GRM7: variants seen among roughly 807,000 people sequenced by gnomAD.
GRM7 encodes glutamate metabotropic receptor 7.
In GRM7, 35 loss-of-function variants were observed where a neutral mutation model predicts 84.5. The ratio of observed to expected loss-of-function variants is 0.41; its 90% CI spans 0.32 to 0.55. The LOEUF (loss-of-function observed/expected upper bound fraction) is 0.55, where lower values mean the gene tolerates loss of function less well. Ranked by LOEUF, GRM7 falls within the 20% of genes least tolerant of loss-of-function variation. The pLI is 0.19. For synonymous variants in GRM7, 487 were observed against 455.1 expected, an observed-to-expected ratio of 1.07 and a Z score of -0.89; for missense variants, 1,003 against 1,194.6, an observed-to-expected ratio of 0.84 and a Z score of 2.36.
chr3:7,186,873 G>T (rs138679588), intron 2 of GRM7, among the ~76,000 whole-genome samples: 2 of 151,968 alleles, frequency 1.3e-5, no homozygotes, highest in African/African-American at 4.8e-5. Context: ...TTTTATTTTT[G>T]TCTATTAACT....
chr3:6,880,964 C>A (rs867900747), intron 1 of GRM7, among the ~76,000 whole-genome samples: 2 of 152,100 alleles, frequency 1.3e-5, no homozygotes, highest in Non-Finnish European at 2.9e-5. Context: ...CTCAGTTACT[C>A]TGTAGTTCAG....
intron 2 of GRM7, among the ~76,000 whole-genome samples, chr3:7,197,940 A>T (rs966839782): frequency 7.9e-5 from 12 of 152,132 alleles, no homozygotes; most frequent in African/African-American, 2.9e-4. Flanking sequence ...GAAGTTAAAG[A>T]TTAAGTGGGA....
chr3:7,683,975 T>C (rs1242135134), intron 9 of GRM7, among the ~76,000 whole-genome samples: 1 of 151,926 alleles, frequency 6.6e-6, no homozygotes, highest in Admixed American at 6.6e-5. Context: ...GAGACAAACA[T>C]ACAAATAGTC....
chr3:7,719,000 G>C (rs554134790), intron 9 of GRM7, among the ~76,000 whole-genome samples: 7 of 152,288 alleles, frequency 4.6e-5, no homozygotes, highest in African/African-American at 1.7e-4. Flanking sequence ...TGGAGATTTG[G>C]TAAATATTTA....
Position 7,113,380 on chromosome 3 carries a change from T to C in GRM7, c.520-33072T>C, listed in dbSNP as rs190132551. ...TCAACAAATACACAGCCTCGTTCCT[T>C]ATCTACATCCTGCACCTCAGTGGTA... On this transcript the variant is annotated intron_variant, in intron 1 of 9. Coordinates refer to ENST00000357716, the MANE Select transcript of GRM7 (RefSeq NM_000844.4). 2.6e-3 allele frequency among the ~76,000 whole-genome samples: 398 copies of C among 152,316 alleles called. 2 individuals carry two copies. The highest frequency in any genetic ancestry group is 9.4e-3 in the African/African-American group (389 of 41,578).
intron 1 of GRM7, among the ~76,000 whole-genome samples, chr3:7,112,087 T>C (rs1015795795): frequency 1.1e-4 from 17 of 152,286 alleles, no homozygotes; most frequent in African/African-American, 4.1e-4. Context: ...ACACTGCATG[T>C]GGCAAAGATC....
intron 9 of GRM7, among the ~76,000 whole-genome samples, chr3:7,683,113 C>A (rs1456749954): frequency 1.3e-5 from 2 of 152,046 alleles, no homozygotes; most frequent in African/African-American, 4.8e-5. Context: ...TTTTGGTTTC[C>A]TTATTTGGTA....
chr3:6,964,944 T>C (rs947904998), intron 1 of GRM7, among the ~76,000 whole-genome samples: 3 of 152,198 alleles, frequency 2.0e-5, no homozygotes, highest in Admixed American at 6.5e-5. Context: ...ACTGGGTGCT[T>C]TCTTCCAAAT....
At chr3:7,289,014 A>G (rs1428941261) in intron 2 of GRM7, among the ~76,000 whole-genome samples, 1 of 152,202 alleles carries the variant, frequency 6.6e-6, no homozygotes, top group Non-Finnish European at 1.5e-5. Context: ...TGCAGGTAAG[A>G]CTGAAGAAAT....
At chr3:7,344,800 G>C (rs11131069) in intron 4 of GRM7, among the ~76,000 whole-genome samples, 40,745 of 151,986 alleles carry the variant, frequency 0.27, 6,582 homozygotes, top group African/African-American at 0.45. Context: ...GGAAGAGGTT[G>C]GTTAATGGAA....
intron 2 of GRM7, among the ~76,000 whole-genome samples, chr3:7,260,673 T>TTTTG (rs1553638949): frequency 6.9e-6 from 1 of 144,428 alleles, no homozygotes. Flanking sequence ...TTCTTTTGAA[T>TTTTG]TGTGTGTGTG....
At chr3:7,220,577 T>G (rs1014377058) in intron 2 of GRM7, among the ~76,000 whole-genome samples, 1 of 152,090 alleles carries the variant, frequency 6.6e-6, no homozygotes, top group Non-Finnish European at 1.5e-5. Flanking sequence ...TTCACCTGGA[T>G]GGAAATTGGA....
chr3:7,008,750 A>G (rs34001905), intron 1 of GRM7, among the ~76,000 whole-genome samples: 72,669 of 151,986 alleles, frequency 0.48, 17,592 homozygotes, highest in South Asian at 0.57. Context: ...AGACTCACAC[A>G]ATAATCTCCT....
intron 2 of GRM7, among the ~76,000 whole-genome samples, chr3:7,235,254 C>A (rs867571149): frequency 6.6e-6 from 1 of 152,162 alleles, no homozygotes; most frequent in Non-Finnish European, 1.5e-5. Flanking sequence ...GCCTTTCATG[C>A]ATTGTGCCTC....
intron 2 of GRM7, among the ~76,000 whole-genome samples, chr3:7,274,891 T>G (rs1698995962): frequency 6.6e-6 from 1 of 152,044 alleles, no homozygotes; most frequent in Non-Finnish European, 1.5e-5. Context: ...GTGTTCCTGT[T>G]TCTCTTTCTT....
At chr3:7,226,807 T>C (rs572965106) in intron 2 of GRM7, among the ~76,000 whole-genome samples, 1 of 152,332 alleles carries the variant, frequency 6.6e-6, no homozygotes, top group South Asian at 2.1e-4. Context: ...TTACACTCCA[T>C]AGTCGGCTCC....
At chr3:7,137,471 A>T (rs1693807946) in intron 1 of GRM7, among the ~76,000 whole-genome samples, 2 of 152,104 alleles carry the variant, frequency 1.3e-5, no homozygotes, top group Non-Finnish European at 2.9e-5. Context: ...AATTTATATG[A>T]TAATTTTGAG....
chr3:6,946,200 A>G (rs958696835), intron 1 of GRM7, among the ~76,000 whole-genome samples: 2 of 152,140 alleles, frequency 1.3e-5, no homozygotes, highest in African/African-American at 4.8e-5. Context: ...TAGGTCTAAC[A>G]TTTAAGTCTT....
intron 1 of GRM7, among the ~76,000 whole-genome samples, chr3:7,073,141 G>T (rs1697946298): frequency 6.6e-6 from 1 of 152,004 alleles, no homozygotes; most frequent in Non-Finnish European, 1.5e-5. Flanking sequence ...TGGTCAAGTA[G>T]TACTAATTTA....
Sources: gnomAD v4.1 joint callset for allele counts (sites outside exome capture counted in the v4.1 genomes callset) on GRCh38, gnomAD v4.1.1 for gene constraint, MANE v1.5 for transcripts, NCBI Gene and HGNC (gene_info 2026-07-23, HGNC 2026-07-21) for gene names.